The following PRR16 variants were observed in gnomAD, a reference collection of about 807,000 sequenced individuals.
The protein encoded by PRR16 is proline rich 16.
In PRR16, 6 loss-of-function variants were observed where a neutral mutation model predicts 18.2. The ratio of observed to expected loss-of-function variants is 0.33; its 90% CI spans 0.18 to 0.65. PRR16 has a LOEUF of 0.65. PRR16 is among the 30% of genes least tolerant of loss of function. PRR16 has a pLI of 0.74. For missense variants in PRR16, 412 were observed against 376.6 expected (o/e 1.09, Z -0.78); for synonymous variants, 151 against 147.8 (o/e 1.02, Z -0.16).
chr5:120,497,061 G>A (rs528915265), intron 1 of PRR16, among the ~76,000 whole-genome samples: 1 of 152,270 alleles, frequency 6.6e-6, no homozygotes, highest in South Asian at 2.1e-4. Context: ...TGAAGTAAGA[G>A]AACAGACTCT....
chr5:120,498,730 G>C (rs1281602655), intron 1 of PRR16, among the ~76,000 whole-genome samples: 1 of 150,554 alleles, frequency 6.6e-6, no homozygotes, highest in South Asian at 2.1e-4. Context: ...TTTTTTATTT[G>C]TTTGTTTTTA....
At chr5:120,757,107 T>G in the PRR16 span, among the ~76,000 whole-genome samples, 30 of 152,186 alleles carry the variant, frequency 2.0e-4, no homozygotes, top group East Asian at 5.8e-3. Flanking sequence ...TTTGTTAACT[T>G]TGTTGAAGAT....
At chr5:120,715,050 G>A in the PRR16 span, among the ~76,000 whole-genome samples, 2 of 151,810 alleles carry the variant, frequency 1.3e-5, no homozygotes, top group East Asian at 1.9e-4. Context: ...AACCACCATG[G>A]CACACGTATA....
the PRR16 span, among the ~76,000 whole-genome samples, chr5:120,768,882 T>A: frequency 5.3e-5 from 8 of 151,790 alleles, no homozygotes; most frequent in East Asian, 1.9e-4. Context: ...TGTATTGCTG[T>A]GAAGCTAATT....
chr5:120,633,974 A>G (rs1755145220), intron 1 of PRR16, among the ~76,000 whole-genome samples: 2 of 152,164 alleles, frequency 1.3e-5, no homozygotes, highest in South Asian at 2.1e-4. Context: ...CTACCCAACA[A>G]TTGCAGAATA....
intron 1 of PRR16, among the ~76,000 whole-genome samples, chr5:120,564,403 G>A (rs746965059): frequency 1.2e-4 from 18 of 152,078 alleles, no homozygotes; most frequent in Admixed American, 2.0e-4. Flanking sequence ...CTGTAGTGGC[G>A]AGGCTTCCCG....
the PRR16 span, among the ~76,000 whole-genome samples, chr5:120,780,466 T>A: frequency 6.6e-6 from 1 of 152,192 alleles, no homozygotes; most frequent in Non-Finnish European, 1.5e-5. Context: ...AAAACATTTT[T>A]CATGATAATA....
chr5:120,615,384 CTTTTTTTT>C (rs10717083), intron 1 of PRR16, among the ~76,000 whole-genome samples: 20 of 119,486 alleles, frequency 1.7e-4, no homozygotes, highest in African/African-American at 3.1e-4. Flanking sequence ...TCTTTCTTTT[CTTTTTTTT>C]TTTTTTTTTT....
chr5:120,617,042 G>A, intron 1 of PRR16: 1 of 894,988 alleles, frequency 1.1e-6, no homozygotes, highest in Non-Finnish European at 1.3e-6. Context: ...GTGTTTTTTG[G>A]AAAGTCTAAA....
At chr5:120,515,411 T>G (rs1038133401) in intron 1 of PRR16, among the ~76,000 whole-genome samples, 1 of 152,182 alleles carries the variant, frequency 6.6e-6, no homozygotes, top group African/African-American at 2.4e-5. Context: ...TTTATCCTAT[T>G]TTCAACACAA....
chr5:120,540,940 GCT>G (rs1751893584), intron 1 of PRR16, among the ~76,000 whole-genome samples: 1 of 152,124 alleles, frequency 6.6e-6, no homozygotes, highest in South Asian at 2.1e-4. Flanking sequence ...CAGAATGTAA[GCT>G]CTGTTTAGGC....
chr5:120,643,035 T>A lies in PRR16; in HGVS notation c.160-42919T>A, dbSNP rs534934619. Among the ~76,000 whole-genome samples, 266 of 152,270 alleles carry A rather than the reference T, an allele frequency of 1.7e-3. 1 individual carries two copies. The highest frequency in any genetic ancestry group is 6.1e-3 in the African/African-American group (254 of 41,574). On this transcript the variant is annotated intron_variant, in intron 1 of 1. Coordinates refer to ENST00000407149, the MANE Select transcript of PRR16 (RefSeq NM_001300783.2). ...ATGGATAGCTTGCTCTTTAAATTAC[T>A]GTAATTAGAATAAAATTCCTTTCAA...
At chr5:120,528,188 G>T (rs1466004298) in intron 1 of PRR16, among the ~76,000 whole-genome samples, 1 of 152,150 alleles carries the variant, frequency 6.6e-6, no homozygotes, top group East Asian at 1.9e-4. Flanking sequence ...GTAGAATGGA[G>T]AAATCAGGTC....
intron 1 of PRR16, among the ~76,000 whole-genome samples, chr5:120,600,078 C>A (rs186839539): frequency 6.6e-6 from 1 of 151,930 alleles, no homozygotes; most frequent in South Asian, 2.1e-4. Flanking sequence ...TGATTAAGTT[C>A]GGCTCATCAA....
chr5:120,735,663 T>TTGTTG, the PRR16 span, among the ~76,000 whole-genome samples: 16 of 151,646 alleles, frequency 1.1e-4, no homozygotes, highest in South Asian at 3.1e-3. Context: ...TACTCATATT[T>TTGTTG]TTGTTGTTGT....
chr5:120,564,658 C>G (rs1383948488), intron 1 of PRR16, among the ~76,000 whole-genome samples: 5 of 152,136 alleles, frequency 3.3e-5, no homozygotes, highest in African/African-American at 1.2e-4. Context: ...GTGATTCAAG[C>G]CCTCCTCAGT....
At position 120,464,325 on chromosome 5, in the gene PRR16, C is replaced by A; in HGVS notation, c.-162C>A. 2 of 692,276 alleles carry A rather than the reference C, an allele frequency of 2.9e-6. No individual in the cohort carries two copies. Among genetic ancestry groups the A allele is most frequent in the Non-Finnish European group, 4.2e-6 (2 of 472,418 alleles). 42.9% of individuals were successfully genotyped at this position (692,276 alleles called of 1,614,324 possible). On this transcript the variant is annotated 5_prime_UTR_variant, in exon 1 of 2. Coordinates refer to ENST00000407149, the MANE Select transcript of PRR16 (RefSeq NM_001300783.2). ...AGTTGATGGCAGCACCACTGTGCGGCCGCCCGGCCGAGCGCGGAGCGCAGC... is the reference window on the plus strand; with the variant it reads ...AGTTGATGGCAGCACCACTGTGCGGACGCCCGGCCGAGCGCGGAGCGCAGC...
chr5:120,765,160 T>C, the PRR16 span, among the ~76,000 whole-genome samples: 1,895 of 151,688 alleles, frequency 0.012, 45 homozygotes, highest in African/African-American at 0.044. Flanking sequence ...AAATAAAAGG[T>C]CTTTAAAATA....
chr5:120,701,532 G>A, the PRR16 span, among the ~76,000 whole-genome samples: 4 of 152,132 alleles, frequency 2.6e-5, no homozygotes, highest in Admixed American at 6.5e-5. Context: ...GGCTAGTCAC[G>A]GAACGAAACT....
Sources: allele counts gnomAD v4.1 joint callset (sites outside exome capture counted in the v4.1 genomes callset), GRCh38; gene constraint gnomAD v4.1.1; transcripts MANE v1.5; gene names NCBI Gene and HGNC (gene_info 2026-07-23, HGNC 2026-07-21).